Variants in FAM25G observed in about 807,000 individuals in gnomAD.
FAM25G encodes family with sequence similarity 25 member G.
FAM25G carries 3 observed loss-of-function variants against 6.4 expected under a neutral mutation model. The observed-to-expected ratio is 0.47, with a 90% confidence interval of 0.21 to 1.21. The LOEUF (loss-of-function observed/expected upper bound fraction) is 1.21. Ranked by LOEUF, FAM25G falls within the 50% of genes most tolerant of loss-of-function variation. The probability of loss-of-function intolerance (pLI) is 0.22; values close to 1 mark genes in which losing one functional copy is unlikely to be tolerated. For synonymous variants in FAM25G, 15 were observed against 31.3 expected (o/e 0.48, Z 1.74); for missense variants, 34 against 76.0 (o/e 0.45, Z 2.06).
chr10:47,488,591 C>A (rs1171184153), intron 2 of FAM25G, among the ~76,000 whole-genome samples: 2 of 150,550 alleles, frequency 1.3e-5, no homozygotes, highest in African/African-American at 2.5e-5. Context: ...AAATGTAAGT[C>A]CTTCATCTAC....
intron 2 of FAM25G, among the ~76,000 whole-genome samples, 167 bp downstream of exon 2, chr10:47,489,419 A>G (rs71254658): frequency 0.019 from 2,809 of 147,480 alleles, 9 homozygotes; most frequent in African/African-American, 0.068. Context: ...AACGCAGTAC[A>G]GTCTGTGGCC....
chr10:47,488,919 C>T (rs1416157615), intron 2 of FAM25G, among the ~76,000 whole-genome samples: 4 of 138,100 alleles, frequency 2.9e-5, no homozygotes, highest in Non-Finnish European at 3.1e-5. Context: ...AGTAGAGATG[C>T]GGTTTCACCG....
chr10:47,488,712 AATTTTT>A lies in FAM25G; in HGVS notation c.136+868_136+873del, dbSNP rs1308251004. Among the ~76,000 whole-genome samples, 113 of 95,942 alleles carry A rather than the reference AATTTTT, an allele frequency of 1.2e-3. 2 individuals are homozygous for A. Among genetic ancestry groups the A allele is most frequent in the African/African-American group, 4.3e-3 (104 of 24,230 alleles). The allele number at this position is 95,942 out of a possible 152,430, so 62.9% of individuals were successfully genotyped here. On this transcript the variant is annotated intron_variant, in intron 2 of 2. Transcript: ENST00000452267. ...ATTTAACATAGAATTTTACATGTTA[AATTTTT>A]TTTTTTTTTTTTTTTTTTTTTTTTT...
chr10:47,487,370 C>T lies in FAM25G; in HGVS notation c.175G>A (p.Asp59Asn), dbSNP rs1840066382. ...TCGGTGATTTCCTTCATCTTTTTGT[C>T]CCCTGACTCCTGGGCTTTCTTTATG... ...EAIKKAQESG[D>N]KKMKEITETV... The change falls in exon 3 of 3, where the codon GAC becomes AAC. Residue 59 changes from aspartate to asparagine, a missense_variant. By Grantham distance (23) the Asp-to-Asn change is conservative. Transcript: ENST00000452267. The T allele has an allele frequency of 6.7e-6, 6 of 891,214 alleles. No individual in the cohort carries two copies. The highest frequency in any genetic ancestry group is 9.9e-6 in the Non-Finnish European group (6 of 603,488). 55.2% of individuals were successfully genotyped at this position (891,214 alleles called of 1,614,324 possible). A position where few individuals can be genotyped will look rare whatever the true frequency, so the allele number is the denominator to read the frequency against.
chr10:47,487,705 T>C (rs1178724633), intron 2 of FAM25G, among the ~76,000 whole-genome samples: 151 of 149,348 alleles, frequency 1.0e-3, no homozygotes, highest in African/African-American at 3.4e-3. Flanking sequence ...GGTTGTTATA[T>C]TGGATTATCA....
chr10:47,489,073 A>C (rs1315368961), intron 2 of FAM25G, among the ~76,000 whole-genome samples: 1 of 149,382 alleles, frequency 6.7e-6, no homozygotes, highest in African/African-American at 2.5e-5. Flanking sequence ...GCTGGAGTGC[A>C]GTGGCATGAT....
chr10:47,490,625 C>G (rs1271668326), intron 1 of FAM25G, among the ~76,000 whole-genome samples: 8 of 150,402 alleles, frequency 5.3e-5, no homozygotes, highest in Non-Finnish European at 7.4e-5. Context: ...GCAAGCCCTG[C>G]CTCAGCTTTT....
intron 1 of FAM25G, among the ~76,000 whole-genome samples, chr10:47,489,930 G>A (rs1422713516): frequency 2.0e-5 from 3 of 150,546 alleles, no homozygotes; most frequent in Non-Finnish European, 4.4e-5. Flanking sequence ...GCTTCATTTG[G>A]AGACGCCAGG....
Position 47,488,805 on chromosome 10 carries a change from G to A in FAM25G, c.136+781C>T, listed in dbSNP as rs1486960113. Among the ~76,000 whole-genome samples, 36 of 125,370 alleles carry A rather than the reference G, an allele frequency of 2.9e-4. No individual in the cohort carries two copies. The East Asian group carries it at 7.4e-3, about 26-fold the overall frequency. The allele number at this position is 125,370 out of a possible 152,430, so 82.2% of individuals were successfully genotyped here. On this transcript the variant is annotated intron_variant, in intron 2 of 2. Coordinates refer to ENST00000452267, the MANE Select transcript of FAM25G (RefSeq NM_001137549.2). ...TGCAGTGTCGCGATCTCGGCTCACT[G>A]CAAGCTCCACCTTCCAGGTTCACGC...
At chr10:47,488,740 T>G (rs1840090910) in intron 2 of FAM25G, among the ~76,000 whole-genome samples, 1 of 134,796 alleles carries the variant, frequency 7.4e-6, no homozygotes, top group Non-Finnish European at 1.6e-5. Flanking sequence ...TTTTTTTTTT[T>G]TTTTTGAGAC....
Position 47,490,365 on chromosome 10 carries a change from G to A in FAM25G, c.74-717C>T, listed in dbSNP as rs1840128339. 4 of 146,434 alleles carry A rather than the reference G, an allele frequency of 2.7e-5. No homozygotes were observed. The South Asian group carries it at 8.7e-4, about 32-fold the overall frequency. 9.1% of individuals were successfully genotyped at this position (146,434 alleles called of 1,614,324 possible). On this transcript the variant is annotated intron_variant, in intron 1 of 2. Coordinates refer to ENST00000452267, the MANE Select transcript of FAM25G (RefSeq NM_001137549.2). ...GACCCAACACCAGGTCACGGGGGCG[G>A]CAAGTCCAGCGGAGTCAAAGGAATG...
At chr10:47,488,713 A>ATTTTTTTTTTTTTT (rs1160121365) in intron 2 of FAM25G, among the ~76,000 whole-genome samples, 41 of 62,110 alleles carry the variant, frequency 6.6e-4, no homozygotes, top group Non-Finnish European at 7.1e-4. Context: ...TACATGTTAA[A>ATTTTTTTTTTTTTT]TTTTTTTTTT....
At position 47,487,428 on chromosome 10, in the gene FAM25G, T is replaced by G. The variant is rs1588938026; in HGVS notation, c.137-20A>C. ...CAATGGCTGTTGGAAAGAGGAAGAATGTCCTAGTGATCCACCTGCTGAACT... is the reference window on the plus strand; with the variant it reads ...CAATGGCTGTTGGAAAGAGGAAGAAGGTCCTAGTGATCCACCTGCTGAACT... On this transcript the variant is annotated intron_variant, in intron 2 of 2. Coordinates refer to ENST00000452267, the MANE Select transcript of FAM25G (RefSeq NM_001137549.2). 27 of 1,041,394 alleles carry G rather than the reference T, an allele frequency of 2.6e-5. 2 individuals are homozygous for G. The South Asian group carries it at 4.1e-4, about 16-fold the overall frequency. The allele number at this position is 1,041,394 out of a possible 1,614,324, so 64.5% of individuals were successfully genotyped here.
Position 47,487,774 on chromosome 10 carries a change from GT to G in FAM25G, c.137-367del, listed in dbSNP as rs4013026. Among the ~76,000 whole-genome samples, 439 of 134,766 alleles carry G rather than the reference GT, an allele frequency of 3.3e-3. 13 individuals carry two copies. The highest frequency in any genetic ancestry group is 9.8e-3 in the African/African-American group (348 of 35,404). 88.4% of individuals were successfully genotyped at this position (134,766 alleles called of 152,430 possible). On this transcript the variant is annotated intron_variant, in intron 2 of 2. Transcript: ENST00000452267. ...TTTTTCTTTTGGCTTGGTTTATAGT[GT>G]TTTTTTTTTTGGCTATAGAAAATTT... is the stretch of plus-strand genomic sequence containing the variant.
intron 1 of FAM25G, among the ~76,000 whole-genome samples, chr10:47,490,589 C>T (rs1840133525): frequency 6.6e-6 from 1 of 151,484 alleles, no homozygotes; most frequent in South Asian, 2.1e-4. Context: ...AATGGCAGTG[C>T]TAGAAGCAAG....
rs1235157083 is a variant in FAM25G at position 47,489,307 on chromosome 10, C to T, written c.136+279G>A. Among the ~76,000 whole-genome samples the T allele has an allele frequency of 6.9e-5, 10 of 144,004 alleles. No individual in the cohort carries two copies. The South Asian group carries it at 1.1e-3, about 16-fold the overall frequency. The allele number at this position is 144,004 out of a possible 152,430, so 94.5% of individuals were successfully genotyped here. A position where few individuals can be genotyped will look rare whatever the true frequency, so the allele number is the denominator to read the frequency against. On this transcript the variant is annotated intron_variant, in intron 2 of 2. Coordinates refer to ENST00000452267, the MANE Select transcript of FAM25G (RefSeq NM_001137549.2). ...TGCTGGGATTACAGGCATGAGCCAC[C>T]GCACCCTGCCATGTTAAATGTTTTG... is the stretch of plus-strand genomic sequence containing the variant.
At chr10:47,490,456 G>A (rs1405663098) in intron 1 of FAM25G, 4 of 152,182 alleles carry the variant, frequency 2.6e-5, no homozygotes, top group African/African-American at 9.8e-5. Context: ...GGCTGCGAAG[G>A]CCCCGAGTTC....
At chr10:47,490,064 C>A (rs1172772364) in intron 1 of FAM25G, among the ~76,000 whole-genome samples, 3 of 150,062 alleles carry the variant, frequency 2.0e-5, no homozygotes, top group African/African-American at 7.5e-5. Context: ...ACATGAAGCC[C>A]AGGCTGGGCC....
At chr10:47,489,942 C>G (rs1840119257) in intron 1 of FAM25G, among the ~76,000 whole-genome samples, 1 of 150,646 alleles carries the variant, frequency 6.6e-6, no homozygotes, top group African/African-American at 2.5e-5. Flanking sequence ...GACGCCAGGG[C>G]CTTGGCTGCT....
Sources: allele counts gnomAD v4.1 joint callset (sites outside exome capture counted in the v4.1 genomes callset), GRCh38; gene constraint gnomAD v4.1.1; transcripts MANE v1.5; gene names NCBI Gene and HGNC (gene_info 2026-07-23, HGNC 2026-07-21).